Variants in ADGRA2 observed in about 807,000 individuals in gnomAD.
ADGRA2 encodes the protein adhesion G protein-coupled receptor A2.
A neutral mutation model predicts 98.7 loss-of-function variants in ADGRA2; 61 were observed. The observed-to-expected ratio is 0.62, with a 90% confidence interval of 0.50 to 0.76. The LOEUF (loss-of-function observed/expected upper bound fraction) is 0.76, where lower values mean the gene tolerates loss of function less well. ADGRA2 is among the 30% of genes least tolerant of loss of function. The probability of loss-of-function intolerance (pLI) is 0.00; values close to 1 mark genes in which losing one functional copy is unlikely to be tolerated. For synonymous variants in ADGRA2, 858 were observed against 831.5 expected (o/e 1.03, Z -0.55); for missense variants, 1,712 against 1,860.0 (o/e 0.92, Z 1.46).
At chr8:37,807,046 T>C (rs915439243) in intron 1 of ADGRA2, among the ~76,000 whole-genome samples, 13 of 152,162 alleles carry the variant, frequency 8.5e-5, no homozygotes, top group African/African-American at 3.1e-4. Context: ...GGCCTGGGCC[T>C]CCAGCCCTGC....
At chr8:37,828,370 T>G (rs1805343639) in intron 2 of ADGRA2, among the ~76,000 whole-genome samples, 1 of 152,140 alleles carries the variant, frequency 6.6e-6, no homozygotes. Context: ...CCATGTTGTC[T>G]GAGGCCCTTG....
chr8:37,832,569 C>CA (rs1478247890), intron 8 of ADGRA2, among the ~76,000 whole-genome samples: 4 of 152,178 alleles, frequency 2.6e-5, no homozygotes, highest in Admixed American at 6.5e-5. Flanking sequence ...CCCCTGGGCT[C>CA]AAGCACTGTG....
At position 37,841,234 on chromosome 8, in the gene ADGRA2, T is replaced by C; in HGVS notation, c.2896T>C (p.Ser966Pro). The C allele has an allele frequency of 6.2e-7, 1 of 1,613,572 alleles. No individual in the cohort carries two copies. The change falls in exon 19 of 19, where the codon TCC (serine) becomes CCC (proline). Residue 966 changes from serine to proline, a missense_variant. By Grantham distance (74) the Ser-to-Pro change is moderately conservative. Transcript: ENST00000412232. This position sits in a 1 kb window ranked among gnomAD's most constrained non-coding sequence, Gnocchi z 5.0. Reference protein sequence around the residue: ...QNPKAGNSRASLEAGEELRGS... With the variant: ...QNPKAGNSRAPLEAGEELRGS... ...CCCCAAGGCGGGCAACAGCAGGGCC[T>C]CCCTGGAGGCAGGGGAGGAGCTGAG...
intron 2 of ADGRA2, among the ~76,000 whole-genome samples, chr8:37,828,177 C>T (rs972778264): frequency 2.0e-5 from 3 of 152,062 alleles, no homozygotes; most frequent in East Asian, 1.9e-4. Context: ...CCCTCCCATG[C>T]GTCCCCTCCC....
rs1007292936 is a variant in ADGRA2, at chr8:37,843,470, C to T, written c.*1115C>T. ...CCCTGCAGGTCATGAGGGGCCTATGCCTTTACTCCTTTTAAACACCAGCAC... is the reference window on the plus strand; with the variant it reads ...CCCTGCAGGTCATGAGGGGCCTATGTCTTTACTCCTTTTAAACACCAGCAC... On this transcript the variant is annotated 3_prime_UTR_variant, in exon 19 of 19. Coordinates refer to ENST00000412232, the MANE Select transcript of ADGRA2 (RefSeq NM_032777.10). 1.3e-5 allele frequency: 2 copies of T among 152,240 alleles called. No homozygotes were observed. The highest frequency in any genetic ancestry group is 1.3e-4 in the Admixed American group (2 of 15,272). The allele number at this position is 152,240 out of a possible 1,614,324, so 9.4% of individuals were successfully genotyped here.
intron 15 of ADGRA2, 82 bp downstream of exon 15, chr8:37,839,165 C>T (rs191149573): frequency 3.5e-5 from 54 of 1,538,394 alleles, no homozygotes; most frequent in African/African-American, 6.8e-5. Flanking sequence ...TCCTATGCTC[C>T]GGTACATACT....
In ADGRA2 at chr8:37,797,363, G is replaced by C. The variant is rs2129871072; in HGVS notation, c.95G>C (p.Arg32Pro). The C allele has an allele frequency of 9.9e-6, 14 of 1,416,050 alleles. No individual in the cohort carries two copies. Among genetic ancestry groups the C allele is most frequent in the Non-Finnish European group, 1.3e-5 (14 of 1,086,434 alleles). The allele number at this position is 1,416,050 out of a possible 1,614,324, so 87.7% of individuals were successfully genotyped here. A position where few individuals can be genotyped will look rare whatever the true frequency, so the allele number is the denominator to read the frequency against. Residue 32 changes from arginine (R) to proline (P), a missense_variant, in exon 1 of 19, where the codon CGG becomes CCG. Arg to Pro is a moderately radical substitution (Grantham distance 103). Coordinates refer to ENST00000412232, the MANE Select transcript of ADGRA2 (RefSeq NM_032777.10). The surrounding 1 kb of genome is among the most constrained non-coding windows in gnomAD (Gnocchi z 5.3). The stretch of plus-strand genomic sequence containing the variant: ...CTGCTGCTCCTGGCGCCCGAGGCTC[G>C]GGGCGCGCCCGGCTGCCCGCTATCC... ...WLLLLLAPEA[R>P]GAPGCPLSIR... is the part of the protein sequence containing the mutation.
At position 37,841,658 on chromosome 8, in the gene ADGRA2, C is replaced by T. The variant is rs1805797177; in HGVS notation, c.3320C>T (p.Ser1107Phe). 2 of 1,527,584 alleles carry T rather than the reference C, an allele frequency of 1.3e-6. No individual in the cohort carries two copies. Among genetic ancestry groups the T allele is most frequent in the Non-Finnish European group, 1.8e-6 (2 of 1,137,154 alleles). The allele number at this position is 1,527,584 out of a possible 1,614,324, so 94.6% of individuals were successfully genotyped here. ...RALPAAAEDG[S>F]PVFGEGPPSL... Reference sequence around the variant, plus strand: ...CTGCCCGCCGCCGCAGAGGACGGTTCCCCGGTGTTCGGGGAGGGCCCCCCC... The same window carrying T: ...CTGCCCGCCGCCGCAGAGGACGGTTTCCCGGTGTTCGGGGAGGGCCCCCCC... Residue 1107 changes from serine (S) to phenylalanine (F), a missense_variant, in exon 19 of 19, where the codon TCC becomes TTC. Ser to Phe is a radical substitution (Grantham distance 155). Transcript: ENST00000412232. The surrounding 1 kb of genome is among the most constrained non-coding windows in gnomAD (Gnocchi z 5.0).
intron 1 of ADGRA2, among the ~76,000 whole-genome samples, chr8:37,800,637 G>A (rs1804475792): frequency 1.3e-5 from 2 of 152,056 alleles, no homozygotes. Flanking sequence ...GGCCCCTAAG[G>A]TCTCTCAGTG....
rs1020662031 is a variant in ADGRA2 at position 37,844,704 on chromosome 8, T to C, written c.*2349T>C. The C allele has an allele frequency of 2.5e-6, 4 of 1,614,110 alleles. No individual in the cohort carries two copies. The highest frequency in any genetic ancestry group is 3.4e-6 in the Non-Finnish European group (4 of 1,180,036). ...GAGAAGGGCAGGACTGGCCGGCCGCTTCCCCTGGGGTAAACCTAAGGAATT... is the reference window on the plus strand; with the variant it reads ...GAGAAGGGCAGGACTGGCCGGCCGCCTCCCCTGGGGTAAACCTAAGGAATT... On this transcript the variant is annotated 3_prime_UTR_variant, in exon 19 of 19. Coordinates refer to ENST00000412232, the MANE Select transcript of ADGRA2 (RefSeq NM_032777.10).
At chr8:37,809,595 G>A (rs935518836) in intron 1 of ADGRA2, among the ~76,000 whole-genome samples, 1 of 152,224 alleles carries the variant, frequency 6.6e-6, no homozygotes, top group South Asian at 2.1e-4. Context: ...GGAGGAGAAG[G>A]ATGAAAAGGC....
chr8:37,819,728 T>A (rs2129967226), intron 2 of ADGRA2, among the ~76,000 whole-genome samples: 1 of 151,890 alleles, frequency 6.6e-6, no homozygotes, highest in East Asian at 1.9e-4. Context: ...TGGAGTGCAG[T>A]GGCACAATCT....
Position 37,842,138 on chromosome 8 carries a change from G to A in ADGRA2, c.3800G>A (p.Gly1267Asp), listed in dbSNP as rs1266325212. The change falls in exon 19 of 19, where the codon GGC (glycine) becomes GAC (aspartate). Residue 1267 changes from glycine to aspartate, a missense_variant. Transcript: ENST00000412232. Reference sequence around the variant, plus strand: ...AGCGCCGCGCCGCTTTCTGAGGCGGGCCGGGCAGGCCAGCGCCGCAGCGCC... The same window carrying A: ...AGCGCCGCGCCGCTTTCTGAGGCGGACCGGGCAGGCCAGCGCCGCAGCGCC... Reference protein sequence around the residue: ...DTSAAPLSEAGRAGQRRSASR... With the variant: ...DTSAAPLSEADRAGQRRSASR... 4.0e-6 allele frequency: 6 copies of A among 1,496,646 alleles called. No homozygotes were observed. Among genetic ancestry groups the A allele is most frequent in the Non-Finnish European group, 5.3e-6 (6 of 1,130,776 alleles). 92.7% of individuals were successfully genotyped at this position (1,496,646 alleles called of 1,614,324 possible).
intron 1 of ADGRA2, among the ~76,000 whole-genome samples, chr8:37,800,800 T>C (rs971164591): frequency 1.3e-5 from 2 of 152,196 alleles, no homozygotes; most frequent in African/African-American, 4.8e-5. Context: ...AAACTCCTCC[T>C]TCGTACTTTA....
rs1274425702 is a variant in ADGRA2 at position 37,802,860 on chromosome 8, G to A, written c.266+5326G>A. ...AATGAAGAAAACTGCAGAGGCCATC[G>A]TGCTGGCTCCTAAGGGGGCACTTGT... On this transcript the variant is annotated intron_variant, in intron 1 of 18. Transcript: ENST00000412232. The surrounding 1 kb of genome is among the most constrained non-coding windows in gnomAD (Gnocchi z 4.7). Among the ~76,000 whole-genome samples the A allele has an allele frequency of 1.3e-5, 2 of 152,182 alleles. No homozygotes were observed. The highest frequency in any genetic ancestry group is 4.1e-4 in the South Asian group (2 of 4,838).
chr8:37,799,373 TAA>T (rs745339505), intron 1 of ADGRA2, among the ~76,000 whole-genome samples: 80 of 124,134 alleles, frequency 6.4e-4, no homozygotes, highest in South Asian at 1.5e-3. Context: ...AGACTCCGTA[TAA>T]AAAAAAAAAA....
chr8:37,840,213 AC>A lies in ADGRA2; in HGVS notation c.2609del (p.Pro870LeufsTer20). ...VLHKELTWRA[P>X]PPQEGDPALP... ...TCCATAAGGAGCTCACCTGGAGGGC[AC>A]CCCCTCCGCAAGAAGGGGACCCCGC... On this transcript the variant is annotated frameshift_variant, in exon 17 of 19. Coordinates refer to ENST00000412232, the MANE Select transcript of ADGRA2 (RefSeq NM_032777.10). LOFTEE classifies it high-confidence loss of function. 3 of 1,612,392 alleles carry A rather than the reference AC, an allele frequency of 1.9e-6. No individual in the cohort carries two copies.
chr8:37,812,488 G>T (rs1021237948), intron 1 of ADGRA2, among the ~76,000 whole-genome samples: 3 of 151,694 alleles, frequency 2.0e-5, no homozygotes, highest in African/African-American at 7.3e-5. Context: ...TTAGCCGGGC[G>T]TGGTGGCGGG....
chr8:37,827,899 C>T (rs1052846667), intron 2 of ADGRA2, among the ~76,000 whole-genome samples: 1 of 152,104 alleles, frequency 6.6e-6, no homozygotes, highest in African/African-American at 2.4e-5. Context: ...TTTGGGAGGC[C>T]CAGGAGGGAG....
Sources: allele counts gnomAD v4.1 joint callset (sites outside exome capture counted in the v4.1 genomes callset), GRCh38; gene constraint gnomAD v4.1.1; non-coding constraint Gnocchi (gnomAD v3.1); transcripts MANE v1.5; gene names NCBI Gene and HGNC (gene_info 2026-07-23, HGNC 2026-07-21).